KIAA1328: variants seen among roughly 807,000 people sequenced by gnomAD.
KIAA1328 encodes the protein protein hinderin.
KIAA1328 carries 52 observed loss-of-function variants against 68.1 expected under a neutral mutation model. That is an observed-to-expected ratio of 0.76 (90% CI 0.61 to 0.96). KIAA1328 has a LOEUF of 0.96. KIAA1328 is among the 40% of genes least tolerant of loss of function. The probability of loss-of-function intolerance (pLI) is 0.00; values close to 1 mark genes in which losing one functional copy is unlikely to be tolerated. For missense variants in KIAA1328, 641 were observed against 677.6 expected (o/e 0.95, Z 0.60); for synonymous variants, 232 against 239.4 (o/e 0.97, Z 0.28).
At chr18:37,122,972 T>C (rs2058308679) in intron 7 of KIAA1328, among the ~76,000 whole-genome samples, 1 of 152,182 alleles carries the variant, frequency 6.6e-6, no homozygotes, top group Admixed American at 6.6e-5. Flanking sequence ...ATGTATGTTA[T>C]AAGACAGTGC....
chr18:36,844,308 A>T lies in KIAA1328; in HGVS notation c.332+6A>T. The T allele has an allele frequency of 6.5e-7, 1 of 1,537,714 alleles. No individual in the cohort carries two copies. Among genetic ancestry groups the T allele is most frequent in the Non-Finnish European group, 8.8e-7 (1 of 1,132,884 alleles). On this transcript the variant is annotated splice_donor_region_variant and intron_variant, in intron 4 of 9. Coordinates refer to ENST00000280020, the MANE Select transcript of KIAA1328 (RefSeq NM_020776.3). ...TTAATTAAAGAACTGGCCAGGTGAG[A>T]TAAAACCTTATATGAAATGATTTAT...
At chr18:37,062,566 T>C (rs1411538477) in intron 6 of KIAA1328, among the ~76,000 whole-genome samples, 1 of 151,818 alleles carries the variant, frequency 6.6e-6, no homozygotes, top group Non-Finnish European at 1.5e-5. Context: ...CGCCATTCTC[T>C]TGCCTCAGCC....
chr18:36,892,208 G>A (rs1425301691), intron 5 of KIAA1328, among the ~76,000 whole-genome samples: 1 of 150,538 alleles, frequency 6.6e-6, no homozygotes, highest in Non-Finnish European at 1.5e-5. Flanking sequence ...GTCAGGAGAG[G>A]TAGAAAAAAT....
At chr18:36,939,018 C>G (rs1432406664) in intron 5 of KIAA1328, among the ~76,000 whole-genome samples, 1 of 152,066 alleles carries the variant, frequency 6.6e-6, no homozygotes, top group Non-Finnish European at 1.5e-5. Flanking sequence ...CGAAGTCATA[C>G]AGTGTTATGC....
chr18:37,115,898 C>T (rs571517275), intron 7 of KIAA1328, among the ~76,000 whole-genome samples: 3 of 152,194 alleles, frequency 2.0e-5, no homozygotes. Context: ...CATGAGTGAA[C>T]TCCCATTCAC....
At position 37,189,552 on chromosome 18, in the gene KIAA1328, ATAC is replaced by A. The variant is rs1177652954; in HGVS notation, c.1523+16473_1523+16475del. 2.0e-5 allele frequency among the ~76,000 whole-genome samples: 3 copies of A among 152,210 alleles called. No individual in the cohort carries two copies. In the Middle Eastern group the frequency reaches 9.5e-3, roughly 482 times the overall value. ...ATGTAGCCTTTGCAAAAATTATGAA[ATAC>A]TGTATGGCCTATTACAAACTATTTC... On this transcript the variant is annotated intron_variant, in intron 9 of 9. Transcript: ENST00000280020.
intron 7 of KIAA1328, among the ~76,000 whole-genome samples, chr18:37,087,101 C>T (rs566159201): frequency 6.6e-6 from 1 of 152,084 alleles, no homozygotes; most frequent in East Asian, 1.9e-4. Context: ...ACTCTGTTGC[C>T]CAGGCTCAAG....
chr18:37,102,104 A>G (rs1462028519), intron 7 of KIAA1328, among the ~76,000 whole-genome samples: 1 of 152,216 alleles, frequency 6.6e-6, no homozygotes, highest in Non-Finnish European at 1.5e-5. Context: ...AAAAATTCTT[A>G]AGACAATACT....
intron 5 of KIAA1328, among the ~76,000 whole-genome samples, chr18:36,897,238 G>A (rs1036843986): frequency 1.3e-5 from 2 of 151,928 alleles, no homozygotes; most frequent in Non-Finnish European, 2.9e-5. Flanking sequence ...GAACCCTCAG[G>A]CTTATGAAGA....
chr18:37,138,100 T>C (rs2058684988), intron 7 of KIAA1328, among the ~76,000 whole-genome samples: 1 of 152,250 alleles, frequency 6.6e-6, no homozygotes, highest in Non-Finnish European at 1.5e-5. Flanking sequence ...TGTTTTCTCA[T>C]TTAATAGTAA....
At chr18:37,200,328 G>A (rs545597593) in intron 9 of KIAA1328, among the ~76,000 whole-genome samples, 66 of 152,286 alleles carry the variant, frequency 4.3e-4, no homozygotes, top group African/African-American at 1.4e-3. Flanking sequence ...TGATAACATC[G>A]AATAGTGATT....
At chr18:37,093,949 G>C (rs2057333500) in intron 7 of KIAA1328, among the ~76,000 whole-genome samples, 1 of 152,202 alleles carries the variant, frequency 6.6e-6, no homozygotes, top group Non-Finnish European at 1.5e-5. Flanking sequence ...AATTTGTCAA[G>C]GGAAACAGAG....
intron 9 of KIAA1328, among the ~76,000 whole-genome samples, chr18:37,189,539 C>T (rs2059865482): frequency 1.3e-5 from 2 of 152,080 alleles, no homozygotes; most frequent in African/African-American, 4.8e-5. Flanking sequence ...GTAGCCTTTG[C>T]AAAAATTATG....
chr18:36,881,410 T>A (rs2048324799), intron 4 of KIAA1328, among the ~76,000 whole-genome samples: 2 of 152,204 alleles, frequency 1.3e-5, no homozygotes, highest in Non-Finnish European at 2.9e-5. Context: ...ATCTAAAAAT[T>A]CTTATTTCAC....
At chr18:37,071,277 T>C (rs572822984) in intron 7 of KIAA1328, among the ~76,000 whole-genome samples, 2 of 152,072 alleles carry the variant, frequency 1.3e-5, no homozygotes, top group Admixed American at 6.5e-5. Flanking sequence ...TTTGCCATTT[T>C]TCCCAGGCTG....
rs542060371 is a variant in KIAA1328 at position 37,100,688 on chromosome 18, G to A, written c.1232+33143G>A. Among the ~76,000 whole-genome samples, 26 of 152,326 alleles carry A rather than the reference G, an allele frequency of 1.7e-4. 1 individual carries two copies. Among genetic ancestry groups the A allele is most frequent in the Middle Eastern group, 3.4e-3 (1 of 294 alleles). ...AAGAGAGTAGTGGTTCTCCCAGCAC[G>A]CAGCTTGAGATCTGAGAACGAACAG... On this transcript the variant is annotated intron_variant, in intron 7 of 9. Transcript: ENST00000280020.
At chr18:37,026,351 G>T (rs184194902) in intron 6 of KIAA1328, among the ~76,000 whole-genome samples, 1 of 152,196 alleles carries the variant, frequency 6.6e-6, no homozygotes, top group Non-Finnish European at 1.5e-5. Flanking sequence ...GAAAAAGAAG[G>T]AATCCTCCCT....
chr18:37,100,187 G>A (rs963993990), intron 7 of KIAA1328, among the ~76,000 whole-genome samples: 2 of 152,204 alleles, frequency 1.3e-5, no homozygotes, highest in South Asian at 2.1e-4. Context: ...GGCTGTGGGT[G>A]CAGTGCACCA....
intron 4 of KIAA1328, among the ~76,000 whole-genome samples, chr18:36,883,699 TC>T (rs1325730410): frequency 6.6e-6 from 1 of 152,206 alleles, no homozygotes; most frequent in Non-Finnish European, 1.5e-5. Context: ...TAAGGGCTAC[TC>T]AACCTATATA....
Sources: gnomAD v4.1 joint callset for allele counts (sites outside exome capture counted in the v4.1 genomes callset) on GRCh38, gnomAD v4.1.1 for gene constraint, MANE v1.5 for transcripts, NCBI Gene and HGNC (gene_info 2026-07-23, HGNC 2026-07-21) for gene names.